SFTPB: variants seen among roughly 807,000 people sequenced by gnomAD.
SFTPB encodes the protein surfactant protein B.
A neutral mutation model predicts 51.0 loss-of-function variants in SFTPB; 32 were observed. That is an observed-to-expected ratio of 0.63 (90% CI 0.47 to 0.84). The LOEUF (loss-of-function observed/expected upper bound fraction) is 0.84. SFTPB is among the 40% of genes least tolerant of loss of function. The pLI, the probability that SFTPB is intolerant of heterozygous loss-of-function variation, is 0.00. For missense variants in SFTPB, 431 were observed against 491.2 expected, an observed-to-expected ratio of 0.88 and a Z score of 1.16; for synonymous variants, 211 against 208.5, an observed-to-expected ratio of 1.01 and a Z score of -0.10.
At chr2:85,667,037 T>A in intron 3 of SFTPB, 69 bp downstream of exon 3, 1 of 1,406,728 alleles carries the variant, frequency 7.1e-7, no homozygotes, top group Non-Finnish European at 1.0e-6. Context: ...TTTAGGGGGC[T>A]CAGCTCTTCC....
At chr2:85,664,802 T>G (rs1016359937) in intron 6 of SFTPB, among the ~76,000 whole-genome samples, 26 of 152,218 alleles carry the variant, frequency 1.7e-4, no homozygotes, top group Non-Finnish European at 3.5e-4. Context: ...TTTCCTCATT[T>G]GGGCCCCAAT....
chr2:85,661,877 A>T lies in SFTPB; in HGVS notation c.1083+152T>A, dbSNP rs1394343349. 14 of 698,940 alleles carry T rather than the reference A, an allele frequency of 2.0e-5. No individual in the cohort carries two copies. In the African/African-American group the frequency reaches 2.3e-4, roughly 12 times the overall value. The allele number at this position is 698,940 out of a possible 1,614,324, so 43.3% of individuals were successfully genotyped here. A position where few individuals can be genotyped will look rare whatever the true frequency, so the allele number is the denominator to read the frequency against. On this transcript the variant is annotated intron_variant, in intron 9 of 10. Transcript: ENST00000519937. ...CATGCTCTCATGATTTTTTACACTG[A>T]AACAGAGAGGGGTGCCTCCCAGTCC...
chr2:85,662,115 G>A lies in SFTPB; in HGVS notation c.1003-6C>T. The A allele has an allele frequency of 6.3e-7, 1 of 1,598,516 alleles. No individual in the cohort carries two copies. Among genetic ancestry groups the A allele is most frequent in the Non-Finnish European group, 8.5e-7 (1 of 1,174,050 alleles). ...TGCTCCACAAATTGCTTGCACTGAG[G>A]AAGGAGACACACAGCTGTGGAGGGT... is the stretch of plus-strand genomic sequence containing the variant. On this transcript the variant is annotated splice_region_variant and splice_polypyrimidine_tract_variant and intron_variant, in intron 8 of 10. Transcript: ENST00000519937.
At position 85,665,672 on chromosome 2, in the gene SFTPB, C is replaced by T. The variant is rs377624872; in HGVS notation, c.516G>A (p.Leu172=). ...GCACAGGGAGGACGAGCTTGTCCAG[C>T]AGAGGGTCTGGCAGAGGGTCCCGCA... The part of the protein sequence containing the change: ...KPLRDPLPDP[L]LDKLVLPVLP... Residue 172 remains leucine, a synonymous_variant, in exon 5 of 11, where the codon CTG becomes CTA. Coordinates refer to ENST00000519937, the MANE Select transcript of SFTPB (RefSeq NM_000542.5). 2 of 1,614,064 alleles carry T rather than the reference C, an allele frequency of 1.2e-6. No homozygotes were observed. The highest frequency in any genetic ancestry group is 8.5e-7 in the Non-Finnish European group (1 of 1,180,032).
At chr2:85,661,597 T>G in intron 9 of SFTPB, 62 bp from the exon 10 acceptor site, 11 of 1,419,220 alleles carry the variant, frequency 7.8e-6, no homozygotes, top group African/African-American at 1.4e-5. Flanking sequence ...CACCCAGCTC[T>G]TCCGGGAAAG....
At chr2:85,665,207 T>G in intron 6 of SFTPB, 82 bp downstream of exon 6, 13 of 1,059,176 alleles carry the variant, frequency 1.2e-5, no homozygotes, top group Non-Finnish European at 1.8e-5. Context: ...GACGGGGGTG[T>G]GAGTTGGGAG....
intron 8 of SFTPB, 123 bp downstream of exon 8, chr2:85,663,223 G>C (rs1677398305): frequency 1.5e-6 from 2 of 1,332,744 alleles, no homozygotes; most frequent in South Asian, 1.2e-5. Context: ...CCCACATCCT[G>C]TCTGCCTGTC....
chr2:85,661,669 G>C, intron 9 of SFTPB, 134 bp from the exon 10 acceptor site: 1 of 727,218 alleles, frequency 1.4e-6, no homozygotes, highest in Non-Finnish European at 2.3e-6. Flanking sequence ...TAGACCCCTC[G>C]GGCCACTCCC....
chr2:85,664,721 A>C (rs1677485140), intron 6 of SFTPB, among the ~76,000 whole-genome samples: 1 of 152,180 alleles, frequency 6.6e-6, no homozygotes, highest in Non-Finnish European at 1.5e-5. Context: ...CTCAGCAGGA[A>C]CCTCACCTGC....
rs758775152 is a variant in SFTPB, at chr2:85,665,312, G to C, written c.649C>G (p.Arg217Gly). 2 of 1,613,818 alleles carry C rather than the reference G, an allele frequency of 1.2e-6. No homozygotes were observed. Among genetic ancestry groups the C allele is most frequent in the Non-Finnish European group, 1.7e-6 (2 of 1,179,776 alleles). ...ACCTTGGGAATCATGGCTTGGATCC[G>C]CTTGATCAGAGCCCTGCAGAGCCAG... ...YCWLCRALIK[R>G]IQAMIPKGAL... The change falls in exon 6 of 11, where the codon CGG (arginine) becomes GGG (glycine). Residue 217 changes from arginine to glycine, a missense_variant. Physicochemically the swap from Arg to Gly is moderately radical, Grantham distance 125 (BLOSUM62 -2). Coordinates refer to ENST00000519937, the MANE Select transcript of SFTPB (RefSeq NM_000542.5).
intron 4 of SFTPB, 26 bp from the exon 5 acceptor site, chr2:85,665,820 G>A (rs1471906748): frequency 2.5e-6 from 4 of 1,612,010 alleles, no homozygotes; most frequent in Non-Finnish European, 3.4e-6. Context: ...GGGTGGGAGT[G>A]TTAGGGTCTG....
chr2:85,667,018 A>G (rs1483144558), intron 3 of SFTPB, 88 bp downstream of exon 3: 5 of 1,243,970 alleles, frequency 4.0e-6, no homozygotes. Context: ...TCAGCCTGGA[A>G]ATGGCCCCTT....
At position 85,663,664 on chromosome 2, in the gene SFTPB, T is replaced by C; in HGVS notation, c.856A>G (p.Arg286Gly). Residue 286 changes from arginine (R) to glycine (G), a missense_variant and splice_region_variant, in exon 7 of 11, where the codon AGG (arginine) becomes GGG (glycine). By Grantham distance (125) the Arg-to-Gly change is moderately radical (BLOSUM62 -2). Transcript: ENST00000519937. ...GCTAAGGAGTGGGCAGTGGGCTCAC[T>C]TGGGCCAGCGCTGTCATCCATGGAG... ...RCSMDDSAGPRSPTGEWLPRD... is the reference protein window; with the variant it reads ...RCSMDDSAGPGSPTGEWLPRD... 6.2e-7 allele frequency: 1 copy of C among 1,610,744 alleles called. No homozygotes were observed.
At chr2:85,666,529 G>C in intron 4 of SFTPB, 88 bp downstream of exon 4, 1 of 1,310,662 alleles carries the variant, frequency 7.6e-7, no homozygotes, top group Non-Finnish European at 1.1e-6. Context: ...GTGTCTGGCT[G>C]GCTGGGGTGC....
intron 8 of SFTPB, chr2:85,662,357 C>CTG (rs1677348480): frequency 2.4e-6 from 3 of 1,239,028 alleles, no homozygotes; most frequent in African/African-American, 1.5e-5. Context: ...GAATCTCAGC[C>CTG]ACCACCCTCC....
intron 6 of SFTPB, among the ~76,000 whole-genome samples, chr2:85,664,982 G>C (rs1177110684): frequency 6.6e-6 from 1 of 152,238 alleles, no homozygotes; most frequent in Non-Finnish European, 1.5e-5. Flanking sequence ...TTCTCCATCA[G>C]ATGGTGAGCT....
chr2:85,666,909 C>T (rs1410531147), intron 3 of SFTPB, among the ~76,000 whole-genome samples, 167 bp from the exon 4 acceptor site: 2 of 152,140 alleles, frequency 1.3e-5, no homozygotes, highest in Non-Finnish European at 2.9e-5. Flanking sequence ...GGCCCTTCCC[C>T]TCAGGGAAGA....
In SFTPB at chr2:85,667,120, C is replaced by T; in HGVS notation, c.253G>A (p.Glu85Lys). 1 of 1,613,172 alleles carries T rather than the reference C, an allele frequency of 6.2e-7. No individual in the cohort carries two copies. The highest frequency in any genetic ancestry group is 1.3e-5 in the African/African-American group (1 of 75,032). The change falls in exon 3 of 11, where the codon GAG becomes AAG. Residue 85 changes from glutamate (E) to lysine (K), a missense_variant. Transcript: ENST00000519937. The stretch of plus-strand genomic sequence containing the variant: ...GGCATCATTACCTGGAAAATGGCCT[C>T]CTTGGCCATCTTGTTAAGGATGTGG... ...IVHILNKMAKEAIFQDTMRKF... is the reference protein window; with the variant it reads ...IVHILNKMAKKAIFQDTMRKF...
rs1267006199 is a variant in SFTPB, at chr2:85,663,801, A to G, written c.719T>C (p.Leu240Pro). The stretch of plus-strand genomic sequence containing the variant: ...GCACTGGCAGATGCCGCCCGCCACC[A>G]GAGGTACCACGCGGCACACCTGGGC... ...AVAQVCRVVPLVAGGICQCLA... is the reference protein window; with the variant it reads ...AVAQVCRVVPPVAGGICQCLA... The change falls in exon 7 of 11, where the codon CTG (leucine) becomes CCG (proline). Residue 240 changes from leucine (L) to proline (P), a missense_variant. Physicochemically the swap from Leu to Pro is moderately conservative, Grantham distance 98. Transcript: ENST00000519937. The G allele has an allele frequency of 1.2e-6, 2 of 1,602,670 alleles. No homozygotes were observed. Among genetic ancestry groups the G allele is most frequent in the Non-Finnish European group, 1.7e-6 (2 of 1,175,960 alleles).
Sources: allele counts gnomAD v4.1 joint callset (sites outside exome capture counted in the v4.1 genomes callset), GRCh38; gene constraint gnomAD v4.1.1; transcripts MANE v1.5; gene names NCBI Gene and HGNC (gene_info 2026-07-23, HGNC 2026-07-21).